Variants in TJP3 observed in about 807,000 individuals in gnomAD.
TJP3 encodes tight junction protein 3.
Under a neutral mutation model 104.2 loss-of-function variants are expected in TJP3, and 85 were observed. The ratio of observed to expected loss-of-function variants is 0.82; its 90% CI spans 0.68 to 0.98. The LOEUF (loss-of-function observed/expected upper bound fraction) is 0.98. Ranked by LOEUF, TJP3 falls within the 50% of genes least tolerant of loss-of-function variation. The pLI, the probability that TJP3 is intolerant of heterozygous loss-of-function variation, is 0.00. For missense variants in TJP3, 1,367 were observed against 1,322.8 expected, an observed-to-expected ratio of 1.03 and a Z score of -0.52; for synonymous variants, 550 against 550.6, an observed-to-expected ratio of 1.00 and a Z score of 0.02.
chr19:3,750,710 G>C lies in TJP3; in HGVS notation c.*26G>C, dbSNP rs370819422. 2 of 1,556,838 alleles carry C rather than the reference G, an allele frequency of 1.3e-6. No individual in the cohort carries two copies. Among genetic ancestry groups the C allele is most frequent in the Admixed American group, 3.8e-5 (2 of 52,974 alleles). On this transcript the variant is annotated 3_prime_UTR_variant, in exon 21 of 21. Transcript: ENST00000541714. ...CCTCTCGAAGGCTGCCAGCTGGTCC[G>C]TCCTCCTTCTCCCTCCCTGGGGCTG...
chr19:3,739,102 G>A lies in TJP3; in HGVS notation c.1599G>A (p.Glu533=). ...TGCGCATGGGTCGTGACCTGCGGGA[G>A]CAAGAGCGGGGCATCATTCCCAACC... is the stretch of plus-strand genomic sequence containing the variant. ...LAVRMGRDLR[E]QERGIIPNQS... is the part of the protein sequence containing the mutation. The change falls in exon 13 of 21, where the codon GAG becomes GAA. Residue 533 remains glutamate, a synonymous_variant. Transcript: ENST00000541714. 1.3e-6 allele frequency: 2 copies of A among 1,578,292 alleles called. No homozygotes were observed. The highest frequency in any genetic ancestry group is 1.7e-6 in the Non-Finnish European group (2 of 1,159,186).
chr19:3,718,090 C>T (rs1360591114), intron 1 of TJP3, among the ~76,000 whole-genome samples: 1 of 150,872 alleles, frequency 6.6e-6, no homozygotes, highest in African/African-American at 2.4e-5. Flanking sequence ...CCTGTAGTCC[C>T]AGCTACTCGG....
intron 1 of TJP3, among the ~76,000 whole-genome samples, chr19:3,708,931 G>C (rs1397971586): frequency 6.6e-6 from 1 of 152,002 alleles, no homozygotes; most frequent in African/African-American, 2.4e-5. Context: ...ACCTCCTGCA[G>C]CCCGAGGCTA....
At chr19:3,718,212 A>AGTGT (rs71339057) in intron 1 of TJP3, among the ~76,000 whole-genome samples, 808 of 48,226 alleles carry the variant, frequency 0.017, 10 homozygotes, top group Non-Finnish European at 0.022. Flanking sequence ...AAAAAAAAAA[A>AGTGT]GTGTGTGTGT....
chr19:3,720,437 C>T (rs556285582), intron 1 of TJP3, among the ~76,000 whole-genome samples: 3 of 152,308 alleles, frequency 2.0e-5, no homozygotes, highest in South Asian at 4.1e-4. Flanking sequence ...GATGCCCCCT[C>T]CTCCAGGCAG....
chr19:3,739,813 C>G (rs537054775), intron 13 of TJP3, among the ~76,000 whole-genome samples: 31 of 152,118 alleles, frequency 2.0e-4, no homozygotes, highest in Non-Finnish European at 4.3e-4. Flanking sequence ...CCTTCATAGC[C>G]ACAGCACAGC....
At chr19:3,743,671 G>A (rs2036850171) in intron 14 of TJP3, 1 of 365,606 alleles carries the variant, frequency 2.7e-6, no homozygotes, top group Non-Finnish European at 5.0e-6. Context: ...GAAAGGGAAT[G>A]AAGGCAGGAG....
At chr19:3,721,692 G>A (rs778309973) in intron 1 of TJP3, 10 of 363,386 alleles carry the variant, frequency 2.8e-5, no homozygotes, top group Non-Finnish European at 3.9e-5. Flanking sequence ...GTCTGGGCAG[G>A]GGCGGGGCTG....
At chr19:3,725,097 C>CA (rs2036583570) in intron 1 of TJP3, among the ~76,000 whole-genome samples, 1 of 151,736 alleles carries the variant, frequency 6.6e-6, no homozygotes. Flanking sequence ...CCCATCTCTA[C>CA]AAAAAAACAA....
intron 5 of TJP3, among the ~76,000 whole-genome samples, chr19:3,731,671 A>G (rs1016286650): frequency 9.9e-6 from 1 of 101,406 alleles, no homozygotes; most frequent in Non-Finnish European, 2.4e-5. Context: ...AATTGAAACA[A>G]TGATGATGTT....
At chr19:3,748,889 C>G (rs1222556875) in intron 19 of TJP3, among the ~76,000 whole-genome samples, 1 of 103,974 alleles carries the variant, frequency 9.6e-6, no homozygotes, top group Non-Finnish European at 1.8e-5. Context: ...GTTAGAGTCT[C>G]GCTCTGTCAC....
At chr19:3,729,976 C>T (rs530132629) in intron 3 of TJP3, 52 bp from the exon 4 acceptor site, 11 of 1,514,392 alleles carry the variant, frequency 7.3e-6, no homozygotes, top group East Asian at 4.5e-5. Context: ...GGGCTTGTTA[C>T]GAGGGTCTCC....
At chr19:3,728,402 C>T (rs1207847160) in intron 1 of TJP3, 22 bp from the exon 2 acceptor site, 2 of 1,614,106 alleles carry the variant, frequency 1.2e-6, no homozygotes, top group African/African-American at 1.3e-5. Flanking sequence ...TCATGCCCAT[C>T]TTCCCCGCTC....
rs57352964 is a variant in TJP3, at chr19:3,743,263, C to CAA, written c.1844-667_1844-666dup. Among the ~76,000 whole-genome samples the CAA allele has an allele frequency of 1.9e-3, 280 of 146,996 alleles. 3 individuals are homozygous for CAA. The highest frequency in any genetic ancestry group is 6.5e-3 in the African/African-American group (260 of 40,116). On this transcript the variant is annotated intron_variant, in intron 14 of 20. Transcript: ENST00000541714. ...TGGGCCACAGAGCTAGACTCCATCT[C>CAA]AAAAAAAAAAGTAAATAAAATAAAA...
intron 6 of TJP3, 99 bp from the exon 7 acceptor site, chr19:3,733,654 G>T: frequency 3.3e-6 from 5 of 1,534,070 alleles, no homozygotes; most frequent in South Asian, 1.2e-5. Flanking sequence ...CAACCTCTGG[G>T]GGAATTGTCT....
rs933729262 is a variant in TJP3, at chr19:3,735,692, C to T, written c.1060+53C>T. The T allele has an allele frequency of 1.3e-5, 21 of 1,609,662 alleles. No individual in the cohort carries two copies. In the Admixed American group the frequency reaches 2.5e-4, roughly 19 times the overall value. ...CCCTGACATTTCTGATCCCTGACAG[C>T]AAGGCTGTGCCAGGCAGAGCTGGGG... On this transcript the variant is annotated intron_variant, in intron 9 of 20. Coordinates refer to ENST00000541714, the MANE Select transcript of TJP3 (RefSeq NM_001267560.2).
chr19:3,743,979 C>T lies in TJP3; in HGVS notation c.1884C>T (p.Ala628=), dbSNP rs765311826. 16 of 1,613,988 alleles carry T rather than the reference C, an allele frequency of 9.9e-6. No individual in the cohort carries two copies. The highest frequency in any genetic ancestry group is 3.3e-5 in the Admixed American group (2 of 59,982). The part of the protein sequence containing the change: ...KRPVVILGPV[A]DIAMQKLTAE... ...CGGTAGTGATCCTGGGACCCGTGGC[C>T]GACATTGCTATGCAGAAGTTGACTG... is the stretch of plus-strand genomic sequence containing the variant. Residue 628 remains alanine, a synonymous_variant, in exon 15 of 21, where the codon GCC becomes GCT. Coordinates refer to ENST00000541714, the MANE Select transcript of TJP3 (RefSeq NM_001267560.2).
rs762023782 is a variant in TJP3 at position 3,746,866 on chromosome 19, C to T, written c.2312C>T (p.Ala771Val). The T allele has an allele frequency of 1.8e-5, 25 of 1,405,410 alleles. No homozygotes were observed. The highest frequency in any genetic ancestry group is 2.1e-4 in the Middle Eastern group (1 of 4,850). 87.1% of individuals were successfully genotyped at this position (1,405,410 alleles called of 1,614,324 possible). Residue 771 changes from alanine (A) to valine (V), a missense_variant, in exon 18 of 21, where the codon GCG becomes GTG. Transcript: ENST00000541714. The surrounding 1 kb of genome is among the most constrained non-coding windows in gnomAD (Gnocchi z 4.1). ...CAGCAGACGCGGCCCATCTGGACGGCGGAAGATCAGGTACTGCCGCGGTGT... is the reference window on the plus strand; with the variant it reads ...CAGCAGACGCGGCCCATCTGGACGGTGGAAGATCAGGTACTGCCGCGGTGT... The part of the protein sequence containing the change: ...REQQTRPIWT[A>V]EDQLDGSLED...
Position 3,743,949 on chromosome 19 carries a change from G to T in TJP3, c.1854G>T (p.Lys618Asn), listed in dbSNP as rs2036853681. ...GTCTCTACCCCTCAGCCAGTTTCAA[G>T]CGCCCGGTAGTGATCCTGGGACCCG... ...ERVVLREASF[K>N]RPVVILGPVA... The change falls in exon 15 of 21, where the codon AAG becomes AAT. Residue 618 changes from lysine to asparagine, a missense_variant. Coordinates refer to ENST00000541714, the MANE Select transcript of TJP3 (RefSeq NM_001267560.2). 4 of 1,614,028 alleles carry T rather than the reference G, an allele frequency of 2.5e-6. No homozygotes were observed. The highest frequency in any genetic ancestry group is 3.4e-6 in the Non-Finnish European group (4 of 1,180,036).
Sources: gnomAD v4.1 joint callset for allele counts (sites outside exome capture counted in the v4.1 genomes callset) on GRCh38, gnomAD v4.1.1 for gene constraint, Gnocchi (gnomAD v3.1) non-coding constraint, MANE v1.5 for transcripts, NCBI Gene and HGNC (gene_info 2026-07-23, HGNC 2026-07-21) for gene names.